The following RALGAPA2 variants were observed in gnomAD, a reference collection of about 807,000 sequenced individuals.
The protein encoded by RALGAPA2 is ral GTPase-activating protein subunit alpha-2.
A neutral mutation model predicts 230.4 loss-of-function variants in RALGAPA2; 139 were observed. That is an observed-to-expected ratio of 0.60 (90% CI 0.53 to 0.69). The LOEUF (loss-of-function observed/expected upper bound fraction) is 0.69, where lower values mean the gene tolerates loss of function less well. Among genes scored for constraint, RALGAPA2 ranks in the 30% least tolerant of loss-of-function variants. The probability of loss-of-function intolerance (pLI) is 0.00; values close to 1 mark genes in which losing one functional copy is unlikely to be tolerated. For synonymous variants in RALGAPA2, 847 were observed against 837.8 expected (o/e 1.01, Z -0.19); for missense variants, 2,163 against 2,276.0 (o/e 0.95, Z 1.01).
At chr20:20,404,084 A>T (rs2059900715) in intron 38 of RALGAPA2, among the ~76,000 whole-genome samples, 1 of 145,194 alleles carries the variant, frequency 6.9e-6, no homozygotes, top group African/African-American at 2.6e-5. Context: ...TTATTGTCTC[A>T]TATTCTTGAA....
At chr20:20,588,059 G>A (rs946318330) in intron 18 of RALGAPA2, among the ~76,000 whole-genome samples, 3 of 152,162 alleles carry the variant, frequency 2.0e-5, no homozygotes, top group Non-Finnish European at 2.9e-5. Context: ...CCACTTTAGA[G>A]AACAGGGGTT....
chr20:20,634,587 GCCT>G lies in RALGAPA2; in HGVS notation c.1005+828_1005+830del, dbSNP rs945189725. ...CTTGAAGCACAAGAGCCACTTATCT[GCCT>G]CCTCAGGTCTGTGCATTCTTTCAGC... is the stretch of plus-strand genomic sequence containing the variant. On this transcript the variant is annotated intron_variant, in intron 9 of 39. Coordinates refer to ENST00000202677, the MANE Select transcript of RALGAPA2 (RefSeq NM_020343.4). 2.4e-4 allele frequency among the ~76,000 whole-genome samples: 37 copies of G among 152,166 alleles called. 1 individual carries two copies.
At chr20:20,576,703 G>A (rs921436453) in intron 20 of RALGAPA2, among the ~76,000 whole-genome samples, 8 of 151,968 alleles carry the variant, frequency 5.3e-5, no homozygotes, top group African/African-American at 1.9e-4. Context: ...TCTACGGAAT[G>A]GGATGAAAAA....
intron 1 of RALGAPA2, among the ~76,000 whole-genome samples, chr20:20,696,977 C>T (rs563089701): frequency 1.3e-5 from 2 of 152,172 alleles, no homozygotes; most frequent in Non-Finnish European, 2.9e-5. Flanking sequence ...CTCAAGCAAT[C>T]CACCTGCCTG....
intron 37 of RALGAPA2, among the ~76,000 whole-genome samples, chr20:20,414,209 C>T (rs190862130): frequency 1.3e-3 from 198 of 152,262 alleles, no homozygotes; most frequent in Non-Finnish European, 2.3e-3. Context: ...CGCCGTGGCC[C>T]GCTGTCAACG....
At chr20:20,693,625 A>C (rs1428392807) in intron 1 of RALGAPA2, among the ~76,000 whole-genome samples, 1 of 152,208 alleles carries the variant, frequency 6.6e-6, no homozygotes, top group Non-Finnish European at 1.5e-5. Context: ...ATAATGTCTC[A>C]TGTCAAATAA....
In RALGAPA2 at chr20:20,708,273, T is replaced by C. The variant is rs900319077; in HGVS notation, c.106+4102A>G. ...AAAATTGCACATGTGGCTTACATTATATCTCTATTGGACAGAACTAGTCTA... is the reference window on the plus strand; with the variant it reads ...AAAATTGCACATGTGGCTTACATTACATCTCTATTGGACAGAACTAGTCTA... On this transcript the variant is annotated intron_variant, in intron 1 of 39. Coordinates refer to ENST00000202677, the MANE Select transcript of RALGAPA2 (RefSeq NM_020343.4). Among the ~76,000 whole-genome samples, 5 of 152,230 alleles carry C rather than the reference T, an allele frequency of 3.3e-5. No homozygotes were observed. The East Asian group carries it at 9.6e-4, about 29-fold the overall frequency.
intron 34 of RALGAPA2, among the ~76,000 whole-genome samples, chr20:20,504,567 CAAA>C: frequency 6.6e-6 from 1 of 150,952 alleles, no homozygotes; most frequent in East Asian, 1.9e-4. Context: ...ACTAAAAATA[CAAA>C]AAAAAATCAG....
chr20:20,689,763 T>G (rs2068835830), intron 1 of RALGAPA2, among the ~76,000 whole-genome samples: 1 of 151,232 alleles, frequency 6.6e-6, no homozygotes, highest in East Asian at 1.9e-4. Context: ...TTACAAGGAG[T>G]TTCAAAAATT....
intron 37 of RALGAPA2, among the ~76,000 whole-genome samples, chr20:20,460,065 G>A (rs1320748017): frequency 6.6e-6 from 1 of 152,188 alleles, no homozygotes. Flanking sequence ...TACCGATGTT[G>A]GTTGCAGGAA....
At chr20:20,522,653 G>C (rs1471118235) in intron 30 of RALGAPA2, among the ~76,000 whole-genome samples, 1 of 152,054 alleles carries the variant, frequency 6.6e-6, no homozygotes, top group African/African-American at 2.4e-5. Context: ...ATGCTCACTT[G>C]GTAAAAATTC....
intron 38 of RALGAPA2, among the ~76,000 whole-genome samples, chr20:20,408,778 T>A (rs1569369816): frequency 1.3e-5 from 2 of 151,978 alleles, no homozygotes; most frequent in African/African-American, 4.8e-5. Context: ...AATGTATTTA[T>A]ACATAAAACA....
chr20:20,487,011 A>G (rs931780877), intron 36 of RALGAPA2, among the ~76,000 whole-genome samples: 1 of 152,232 alleles, frequency 6.6e-6, no homozygotes, highest in Non-Finnish European at 1.5e-5. Context: ...TTAGCATATT[A>G]ATCAGTAATT....
chr20:20,467,541 C>T (rs1016759182), intron 37 of RALGAPA2, among the ~76,000 whole-genome samples: 1 of 152,176 alleles, frequency 6.6e-6, no homozygotes, highest in African/African-American at 2.4e-5. Context: ...GCCCTGCAGT[C>T]TGGAGCTTAG....
At chr20:20,508,129 T>C (rs2062589031) in intron 33 of RALGAPA2, among the ~76,000 whole-genome samples, 1 of 152,214 alleles carries the variant, frequency 6.6e-6, no homozygotes, top group Non-Finnish European at 1.5e-5. Flanking sequence ...GGCTGACCAA[T>C]GTGAGTGTGA....
In RALGAPA2 at chr20:20,513,194, C is replaced by T. The variant is rs199625894; in HGVS notation, c.4175G>A (p.Ser1392Asn). The T allele has an allele frequency of 1.4e-3, 2,147 of 1,527,172 alleles. 5 individuals are homozygous for T. The highest frequency in any genetic ancestry group is 1.7e-3 in the Non-Finnish European group (1,931 of 1,140,910). 94.6% of individuals were successfully genotyped at this position (1,527,172 alleles called of 1,614,324 possible). A position where few individuals can be genotyped will look rare whatever the true frequency, so the allele number is the denominator to read the frequency against. The change falls in exon 32 of 40, where the codon AGT becomes AAT. Residue 1392 changes from serine to asparagine, a missense_variant. By Grantham distance (46) the Ser-to-Asn change is conservative. Coordinates refer to ENST00000202677, the MANE Select transcript of RALGAPA2 (RefSeq NM_020343.4). ...LVNHLGHYPL[S>N]GGPAILHSLV... ...GCTGTGCAGTATGGCAGGGCCCCCA[C>T]TGAGGGGGTAGTGCCCCAGGTGGTT...
intron 13 of RALGAPA2, among the ~76,000 whole-genome samples, chr20:20,614,953 C>T (rs1049469120): frequency 1.3e-5 from 2 of 152,142 alleles, no homozygotes; most frequent in African/African-American, 4.8e-5. Flanking sequence ...GGGATGCTGA[C>T]CACAGCTGGG....
chr20:20,590,679 C>T (rs1050243447), intron 17 of RALGAPA2, among the ~76,000 whole-genome samples: 13 of 152,070 alleles, frequency 8.5e-5, no homozygotes, highest in African/African-American at 3.1e-4. Flanking sequence ...TAGATTAATG[C>T]TATTAAAAGT....
intron 37 of RALGAPA2, among the ~76,000 whole-genome samples, chr20:20,424,304 T>A (rs185589937): frequency 9.2e-5 from 14 of 152,290 alleles, no homozygotes; most frequent in Admixed American, 4.6e-4. Context: ...AAGTCTCACA[T>A]CAGTAAAAAT....
Sources: allele counts gnomAD v4.1 joint callset (sites outside exome capture counted in the v4.1 genomes callset), GRCh38; gene constraint gnomAD v4.1.1; transcripts MANE v1.5; gene names NCBI Gene and HGNC (gene_info 2026-07-23, HGNC 2026-07-21).